The following PELI2 variants were observed in gnomAD, a reference collection of about 807,000 sequenced individuals.
The protein encoded by PELI2 is pellino E3 ubiquitin protein ligase family member 2, also known as E3 ubiquitin-protein ligase pellino homolog 2.
Under a neutral mutation model 42.3 loss-of-function variants are expected in PELI2, and 23 were observed. That is an observed-to-expected ratio of 0.54 (90% CI 0.39 to 0.77). The LOEUF (loss-of-function observed/expected upper bound fraction) is 0.77, where lower values mean the gene tolerates loss of function less well. PELI2 is among the 30% of genes least tolerant of loss of function. PELI2 has a pLI of 0.00. For missense variants in PELI2, 463 were observed against 553.2 expected, an observed-to-expected ratio of 0.84 and a Z score of 1.64; for synonymous variants, 245 against 212.2, an observed-to-expected ratio of 1.15 and a Z score of -1.34.
intron 2 of PELI2, among the ~76,000 whole-genome samples, chr14:56,214,041 CG>C (rs1229608090): frequency 5.9e-5 from 9 of 152,048 alleles, no homozygotes; most frequent in Non-Finnish European, 1.3e-4. Context: ...TTGGTAGGGA[CG>C]GGGTTTCACC....
At chr14:56,234,961 C>G (rs1887735262) in intron 2 of PELI2, among the ~76,000 whole-genome samples, 1 of 152,088 alleles carries the variant, frequency 6.6e-6, no homozygotes, top group Non-Finnish European at 1.5e-5. Flanking sequence ...TTGGATCTTC[C>G]CAACAGAGCT....
chr14:56,234,078 G>A lies in PELI2; in HGVS notation c.208-45598G>A, dbSNP rs369280362. 1.7e-3 allele frequency among the ~76,000 whole-genome samples: 263 copies of A among 152,222 alleles called. 2 individuals are homozygous for A. Among genetic ancestry groups the A allele is most frequent in the East Asian group, 8.1e-3 (42 of 5,174 alleles). ...ACCATCTCACACCAGTTAGAATGGC[G>A]ATCATTAAAAAGTCAGGAAACAACA... On this transcript the variant is annotated intron_variant, in intron 2 of 5. Transcript: ENST00000267460.
intron 1 of PELI2, among the ~76,000 whole-genome samples, chr14:56,169,869 A>C: frequency 6.6e-6 from 1 of 152,196 alleles, no homozygotes; most frequent in East Asian, 1.9e-4. Context: ...AAGTCCATGC[A>C]TATATGATAG....
At chr14:56,164,013 G>T (rs956629455) in intron 1 of PELI2, among the ~76,000 whole-genome samples, 5 of 152,034 alleles carry the variant, frequency 3.3e-5, no homozygotes, top group African/African-American at 1.2e-4. Context: ...AGGATAATTT[G>T]ACTTCCTACT....
Position 56,132,914 on chromosome 14 carries a change from C to T in PELI2, c.77+14177C>T, listed in dbSNP as rs553635092. ...CTAATCATTAACACAGATCATTTAG[C>T]TTTCTTCGCTAAAAAATTTGTAAAT... On this transcript the variant is annotated intron_variant, in intron 1 of 5. Coordinates refer to ENST00000267460, the MANE Select transcript of PELI2 (RefSeq NM_021255.3). 3.9e-5 allele frequency among the ~76,000 whole-genome samples: 6 copies of T among 152,242 alleles called. No homozygotes were observed. In the South Asian group the frequency reaches 1.2e-3, roughly 32 times the overall value.
chr14:56,118,785 G>A, intron 1 of PELI2, 48 bp downstream of exon 1: 1 of 1,308,812 alleles, frequency 7.6e-7, no homozygotes, highest in Non-Finnish European at 1.0e-6. Context: ...GGCGGGGAGC[G>A]CCCGCATCCT....
At chr14:56,212,711 C>T (rs1886753977) in intron 2 of PELI2, among the ~76,000 whole-genome samples, 2 of 152,204 alleles carry the variant, frequency 1.3e-5, no homozygotes, top group African/African-American at 4.8e-5. Flanking sequence ...TCATGCAGGG[C>T]GTTAAGACTC....
intron 1 of PELI2, among the ~76,000 whole-genome samples, chr14:56,123,079 T>C (rs1472250147): frequency 6.6e-6 from 1 of 152,250 alleles, no homozygotes; most frequent in East Asian, 1.9e-4. Context: ...TGATAAGCTC[T>C]ACAAAAGGAG....
At chr14:56,178,189 A>G (rs1048434002) in intron 1 of PELI2, 146 bp from the exon 2 acceptor site, 22 of 708,318 alleles carry the variant, frequency 3.1e-5, no homozygotes, top group Admixed American at 5.7e-5. Context: ...TGAAGTCTGT[A>G]TTGCAACCCT....
chr14:56,207,322 G>T (rs934130622), intron 2 of PELI2, among the ~76,000 whole-genome samples: 2 of 152,050 alleles, frequency 1.3e-5, no homozygotes, highest in Admixed American at 1.3e-4. Flanking sequence ...TAGTCACTAT[G>T]CTAATAATTT....
intron 2 of PELI2, among the ~76,000 whole-genome samples, chr14:56,261,035 A>T (rs985737000): frequency 3.4e-5 from 5 of 144,988 alleles, no homozygotes; most frequent in East Asian, 2.0e-4. Flanking sequence ...GGATTGAGGT[A>T]TTTTTTTTTT....
intron 1 of PELI2, among the ~76,000 whole-genome samples, chr14:56,147,473 G>A (rs954321157): frequency 6.6e-6 from 1 of 152,144 alleles, no homozygotes; most frequent in Non-Finnish European, 1.5e-5. Flanking sequence ...AATCACTGGT[G>A]GGATGGCTTC....
chr14:56,206,680 G>A lies in PELI2; in HGVS notation c.207+28216G>A, dbSNP rs80167357. Among the ~76,000 whole-genome samples, 39 of 152,168 alleles carry A rather than the reference G, an allele frequency of 2.6e-4. No individual in the cohort carries two copies. In the East Asian group the frequency reaches 7.5e-3, roughly 29 times the overall value. ...ATCACCAGCCCGTGCAGTATTCTATGGCTTTTTTCTTTCCTCCTTGATCGT... is the reference window on the plus strand; with the variant it reads ...ATCACCAGCCCGTGCAGTATTCTATAGCTTTTTTCTTTCCTCCTTGATCGT... On this transcript the variant is annotated intron_variant, in intron 2 of 5. Coordinates refer to ENST00000267460, the MANE Select transcript of PELI2 (RefSeq NM_021255.3).
chr14:56,156,067 A>C (rs924576235), intron 1 of PELI2, among the ~76,000 whole-genome samples: 1 of 152,210 alleles, frequency 6.6e-6, no homozygotes. Context: ...ATTTAAGTAC[A>C]TCTACTGTTT....
At chr14:56,161,625 CA>C (rs1884768805) in intron 1 of PELI2, among the ~76,000 whole-genome samples, 1 of 152,204 alleles carries the variant, frequency 6.6e-6, no homozygotes, top group Non-Finnish European at 1.5e-5. Context: ...CTGAGTCTGT[CA>C]AAAGACAGGG....
At chr14:56,190,871 A>G (rs1171262530) in intron 2 of PELI2, among the ~76,000 whole-genome samples, 1 of 152,264 alleles carries the variant, frequency 6.6e-6, no homozygotes, top group Admixed American at 6.5e-5. Context: ...ACCAGTGGTC[A>G]CATTTATAAC....
intron 2 of PELI2, among the ~76,000 whole-genome samples, chr14:56,193,315 C>A (rs763475564): frequency 6.6e-6 from 1 of 152,094 alleles, no homozygotes; most frequent in East Asian, 1.9e-4. Flanking sequence ...TCTATTACCT[C>A]GATCAGTTGA....
chr14:56,163,987 A>G (rs1884861420), intron 1 of PELI2, among the ~76,000 whole-genome samples: 1 of 152,162 alleles, frequency 6.6e-6, no homozygotes, highest in Admixed American at 6.5e-5. Context: ...ATATAAGATT[A>G]TATTATCTGC....
chr14:56,239,373 G>GA (rs1290986537), intron 2 of PELI2, among the ~76,000 whole-genome samples: 12 of 152,176 alleles, frequency 7.9e-5, no homozygotes, highest in African/African-American at 2.7e-4. Flanking sequence ...CTTTCCAAGA[G>GA]AATGTCTCCT....
Sources: allele counts gnomAD v4.1 joint callset (sites outside exome capture counted in the v4.1 genomes callset), GRCh38; gene constraint gnomAD v4.1.1; transcripts MANE v1.5; gene names NCBI Gene and HGNC (gene_info 2026-07-23, HGNC 2026-07-21).